FAP: variants seen among roughly 807,000 people sequenced by gnomAD.
FAP encodes the protein prolyl endopeptidase FAP.
FAP carries 110 observed loss-of-function variants against 126.5 expected under a neutral mutation model. The observed-to-expected ratio is 0.87, with a 90% CI of 0.74 to 1.02. FAP has a LOEUF of 1.02. Among genes scored for constraint, FAP ranks in the 50% least tolerant of loss-of-function variants. FAP has a pLI of 0.00. For synonymous variants in FAP, 334 were observed against 297.3 expected (o/e 1.12, Z -1.27); for missense variants, 919 against 909.2 (o/e 1.01, Z -0.14).
chr2:162,222,372 A>G (rs1217027484), intron 6 of FAP, among the ~76,000 whole-genome samples: 1 of 152,210 alleles, frequency 6.6e-6, no homozygotes, highest in Non-Finnish European at 1.5e-5. Context: ...ATTCGGAGAC[A>G]AGAAGGACTC....
At chr2:162,226,663 T>G (rs1689666387) in intron 2 of FAP, 42 bp from the exon 3 acceptor site, 1 of 1,064,138 alleles carries the variant, frequency 9.4e-7, no homozygotes, top group Non-Finnish European at 1.4e-6. Flanking sequence ...AAAAGAAGGT[T>G]AACAACTCAA....
At chr2:162,206,563 G>A (rs76426419) in intron 12 of FAP, among the ~76,000 whole-genome samples, 222 of 152,178 alleles carry the variant, frequency 1.5e-3, no homozygotes, top group African/African-American at 4.9e-3. Flanking sequence ...GCCTAAAGAC[G>A]GTGTAGTGTG....
intron 12 of FAP, among the ~76,000 whole-genome samples, chr2:162,207,460 G>C (rs192511277): frequency 6.6e-6 from 1 of 152,074 alleles, no homozygotes; most frequent in African/African-American, 2.4e-5. Context: ...AAATGATCTG[G>C]CACAAAATCA....
intron 21 of FAP, among the ~76,000 whole-genome samples, chr2:162,182,388 T>G (rs565616116): frequency 1.3e-5 from 2 of 152,316 alleles, no homozygotes; most frequent in Non-Finnish European, 2.9e-5. Context: ...ATCTGGAATA[T>G]TTCACTATAG....
chr2:162,189,098 C>T lies in FAP; in HGVS notation c.1619+5G>A. 6.4e-7 allele frequency: 1 copy of T among 1,556,202 alleles called. No homozygotes were observed. Among genetic ancestry groups the T allele is most frequent in the Non-Finnish European group, 8.8e-7 (1 of 1,133,616 alleles). ...AGTTTTTACACCAAAGAAAATATTA[C>T]ATACACTTGAATTAGCAAGGGATAC... On this transcript the variant is annotated splice_donor_5th_base_variant and intron_variant, in intron 19 of 25. Transcript: ENST00000188790.
chr2:162,203,012 TGAG>T, intron 13 of FAP, 26 bp downstream of exon 13: 1 of 1,596,858 alleles, frequency 6.3e-7, no homozygotes, highest in East Asian at 2.2e-5. Flanking sequence ...GAATGATCTT[TGAG>T]GAGATAAATC....
In FAP at chr2:162,242,920, G is replaced by C. The variant is rs368690170; in HGVS notation, c.79C>G (p.Arg27Gly). The change falls in exon 2 of 26, where the codon CGC becomes GGC. Residue 27 changes from arginine to glycine, a missense_variant. Physicochemically the swap from Arg to Gly is moderately radical, Grantham distance 125. Transcript: ENST00000188790. ...AGAAAGTTCTTACCTCTTGAAGGGC[G>C]TAAGACAATGCACATCACCAATAAG... ...LALLVMCIVL[R>G]PSRVHNSEEN... The C allele has an allele frequency of 3.7e-6, 6 of 1,612,654 alleles. No homozygotes were observed. The Admixed American group carries it at 1.0e-4, about 27-fold the overall frequency.
At chr2:162,235,329 C>T (rs918365784) in intron 2 of FAP, among the ~76,000 whole-genome samples, 1 of 152,216 alleles carries the variant, frequency 6.6e-6, no homozygotes. Context: ...CGGGCAGCTC[C>T]ACCTGCGGCT....
At chr2:162,218,287 A>G in intron 8 of FAP, 147 bp from the exon 9 acceptor site, 3 of 521,238 alleles carry the variant, frequency 5.8e-6, no homozygotes, top group Admixed American at 8.1e-5. Flanking sequence ...AAAAAATTAC[A>G]TAATCTGAGT....
At chr2:162,206,367 T>C (rs1160593431) in intron 12 of FAP, among the ~76,000 whole-genome samples, 2 of 152,226 alleles carry the variant, frequency 1.3e-5, no homozygotes, top group African/African-American at 4.8e-5. Context: ...CTATATGAAG[T>C]GCAAAGCCAT....
At chr2:162,239,281 C>T (rs762781667) in intron 2 of FAP, among the ~76,000 whole-genome samples, 18 of 152,114 alleles carry the variant, frequency 1.2e-4, no homozygotes, top group Non-Finnish European at 2.4e-4. Context: ...AAGAAATCCT[C>T]CTGTCTTGGC....
intron 9 of FAP, among the ~76,000 whole-genome samples, chr2:162,217,772 C>A (rs541784265): frequency 6.6e-6 from 1 of 152,240 alleles, no homozygotes; most frequent in East Asian, 1.9e-4. Context: ...AAAGATTCTG[C>A]AATAGATTTT....
chr2:162,219,771 C>T, intron 7 of FAP, 82 bp downstream of exon 7: 1 of 903,738 alleles, frequency 1.1e-6, no homozygotes, highest in East Asian at 2.4e-5. Flanking sequence ...TTCTTTCAGG[C>T]AGGGAAATTT....
chr2:162,201,839 T>A (rs1308997218), intron 14 of FAP, among the ~76,000 whole-genome samples: 4 of 152,220 alleles, frequency 2.6e-5, no homozygotes, highest in Non-Finnish European at 4.4e-5. Context: ...AGGCCTCTTA[T>A]GACCAGAGCT....
intron 11 of FAP, among the ~76,000 whole-genome samples, chr2:162,213,622 C>T (rs557944810): frequency 1.7e-4 from 26 of 151,726 alleles, no homozygotes; most frequent in Non-Finnish European, 2.1e-4. Flanking sequence ...TATTGGACTG[C>T]CAATGTTATA....
In FAP at chr2:162,203,134, T is replaced by G. The variant is rs2106248702; in HGVS notation, c.1059A>C (p.Ser353=). The part of the protein sequence containing the change: ...RTGWAGGFFV[S]TPVFSYDAIS... ...TGGCATCATAGCTGAAAACTGGTGT[T>G]GAAACAAAGAACTGAAAAAAATTAG... The change falls in exon 13 of 26, where the codon TCA becomes TCC. Residue 353 remains serine, a synonymous_variant. Coordinates refer to ENST00000188790, the MANE Select transcript of FAP (RefSeq NM_004460.5). 1 of 1,610,128 alleles carries G rather than the reference T, an allele frequency of 6.2e-7. No individual in the cohort carries two copies. The highest frequency in any genetic ancestry group is 2.2e-5 in the East Asian group (1 of 44,842).
intron 6 of FAP, among the ~76,000 whole-genome samples, chr2:162,221,409 T>C (rs1576184792): frequency 6.6e-6 from 1 of 151,826 alleles, no homozygotes; most frequent in East Asian, 1.9e-4. Context: ...CCTGTAATCC[T>C]AGCTACTTAG....
intron 4 of FAP, among the ~76,000 whole-genome samples, chr2:162,224,881 T>C (rs559123582): frequency 5.3e-5 from 8 of 152,238 alleles, no homozygotes; most frequent in Admixed American, 4.6e-4. Flanking sequence ...GAGAGGATTA[T>C]TGATTGCAAA....
intron 5 of FAP, 73 bp from the exon 6 acceptor site, chr2:162,223,733 T>G: frequency 1.1e-6 from 1 of 901,968 alleles, no homozygotes; most frequent in Non-Finnish European, 1.8e-6. Context: ...TATAATCATA[T>G]AGCATCCAAT....
Sources: gnomAD v4.1 joint callset for allele counts (sites outside exome capture counted in the v4.1 genomes callset) on GRCh38, gnomAD v4.1.1 for gene constraint, MANE v1.5 for transcripts, NCBI Gene and HGNC (gene_info 2026-07-23, HGNC 2026-07-21) for gene names.